Variants in TTBK2 observed in about 807,000 individuals in gnomAD.
TTBK2 encodes tau tubulin kinase 2, also known as tau-tubulin kinase 2.
Under a neutral mutation model 110.8 loss-of-function variants are expected in TTBK2, and 28 were observed. The observed-to-expected ratio is 0.25, with a 90% confidence interval of 0.19 to 0.35. The LOEUF (loss-of-function observed/expected upper bound fraction) is 0.35. Ranked by LOEUF, TTBK2 falls within the 10% of genes least tolerant of loss-of-function variation. TTBK2 has a pLI of 1.00. For synonymous variants in TTBK2, 532 were observed against 527.3 expected (o/e 1.01, Z -0.12); for missense variants, 1,369 against 1,500.3 (o/e 0.91, Z 1.45).
intron 4 of TTBK2, among the ~76,000 whole-genome samples, chr15:42,836,572 T>C (rs1039421880): frequency 1.3e-5 from 2 of 152,262 alleles, no homozygotes; most frequent in Middle Eastern, 3.4e-3. Context: ...GACAAATCCA[T>C]AGGAACTTGC....
rs182095715 is a variant in TTBK2 at position 42,786,760 on chromosome 15, C to A, written c.981-3125G>T. 1.9e-3 allele frequency among the ~76,000 whole-genome samples: 290 copies of A among 152,260 alleles called. 3 individuals are homozygous for A. The highest frequency in any genetic ancestry group is 6.8e-3 in the African/African-American group (284 of 41,558). On this transcript the variant is annotated intron_variant, in intron 10 of 14. Coordinates refer to ENST00000267890, the MANE Select transcript of TTBK2 (RefSeq NM_173500.4). ...TATAGGACTCAGGTTCCTCTCCCAC[C>A]CAGACCCTCCCTCTGCATTTATTCT...
chr15:42,798,841 G>A (rs1333128734), intron 9 of TTBK2, among the ~76,000 whole-genome samples: 2 of 152,120 alleles, frequency 1.3e-5, no homozygotes, highest in African/African-American at 2.4e-5. Flanking sequence ...GTTAAGTGAA[G>A]GGGAAGTTGT....
chr15:42,802,780 C>T (rs1164530525), intron 9 of TTBK2, among the ~76,000 whole-genome samples: 1 of 152,080 alleles, frequency 6.6e-6, no homozygotes, highest in East Asian at 1.9e-4. Flanking sequence ...AAGTATTGAT[C>T]CTGGGTGTGT....
At chr15:42,766,851 T>A (rs1453181258) in intron 13 of TTBK2, among the ~76,000 whole-genome samples, 2 of 152,096 alleles carry the variant, frequency 1.3e-5, no homozygotes, top group Non-Finnish European at 2.9e-5. Flanking sequence ...CACCACATCA[T>A]ACTTATTCCA....
At chr15:42,793,238 G>A (rs1033645501) in intron 10 of TTBK2, among the ~76,000 whole-genome samples, 1 of 152,228 alleles carries the variant, frequency 6.6e-6, no homozygotes, top group African/African-American at 2.4e-5. Flanking sequence ...AGGAATAGGC[G>A]TTTTTTAAAA....
intron 2 of TTBK2, 57 bp downstream of exon 2, chr15:42,878,492 T>TAA: frequency 6.5e-7 from 1 of 1,541,596 alleles, no homozygotes; most frequent in Non-Finnish European, 8.8e-7. Flanking sequence ...CCGATATGTA[T>TAA]ACACACACAC....
intron 1 of TTBK2, among the ~76,000 whole-genome samples, chr15:42,911,126 A>G (rs1227732907): frequency 6.6e-6 from 1 of 152,180 alleles, no homozygotes; most frequent in East Asian, 1.9e-4. Context: ...AAAAAATTGA[A>G]CGGGGAGGTT....
chr15:42,767,114 T>G (rs1353516179), intron 13 of TTBK2, among the ~76,000 whole-genome samples: 1 of 152,186 alleles, frequency 6.6e-6, no homozygotes, highest in Non-Finnish European at 1.5e-5. Context: ...TGACACAATC[T>G]CTGGGACACA....
chr15:42,816,085 A>AATATAAATATAT (rs1555427671), intron 7 of TTBK2, among the ~76,000 whole-genome samples: 2 of 67,470 alleles, frequency 3.0e-5, no homozygotes, highest in African/African-American at 1.5e-4. Context: ...TAAATAAATA[A>AATATAAATATAT]ATATATATAT....
At position 42,743,657 on chromosome 15, in the gene TTBK2, G is replaced by A. The variant is rs1270723198; in HGVS notation, c.*2138C>T. 6.6e-6 allele frequency: 1 copy of A among 152,180 alleles called. No homozygotes were observed. The highest frequency in any genetic ancestry group is 2.4e-5 in the African/African-American group (1 of 41,440). The allele number at this position is 152,180 out of a possible 1,614,324, so 9.4% of individuals were successfully genotyped here. ...TTTATCCACTCTAACTATAAGGAGAGAACTATGTGATTAACATGACAAATC... is the reference window on the plus strand; with the variant it reads ...TTTATCCACTCTAACTATAAGGAGAAAACTATGTGATTAACATGACAAATC... On this transcript the variant is annotated 3_prime_UTR_variant, in exon 15 of 15. Coordinates refer to ENST00000267890, the MANE Select transcript of TTBK2 (RefSeq NM_173500.4).
intron 1 of TTBK2, among the ~76,000 whole-genome samples, chr15:42,887,916 T>A (rs1398092357): frequency 1.4e-5 from 2 of 140,332 alleles, no homozygotes; most frequent in African/African-American, 6.0e-5. Flanking sequence ...TCGGCATAAT[T>A]CTCATGAAAA....
At chr15:42,895,158 A>G (rs961507929) in intron 1 of TTBK2, among the ~76,000 whole-genome samples, 1 of 152,218 alleles carries the variant, frequency 6.6e-6, no homozygotes, top group Non-Finnish European at 1.5e-5. Context: ...TTTCATATAA[A>G]TAAGCTGACT....
chr15:42,762,107 G>C (rs889107759), intron 13 of TTBK2, among the ~76,000 whole-genome samples: 23 of 152,170 alleles, frequency 1.5e-4, no homozygotes, highest in African/African-American at 5.3e-4. Flanking sequence ...GGCCTCCCCA[G>C]CCATGTGGAA....
chr15:42,852,515 A>C (rs1481400089), intron 3 of TTBK2, among the ~76,000 whole-genome samples: 1 of 152,202 alleles, frequency 6.6e-6, no homozygotes, highest in Non-Finnish European at 1.5e-5. Context: ...CTTGAGTTAT[A>C]TGTGATTCCA....
rs544778041 is a variant in TTBK2, at chr15:42,752,921, C to A, written c.2325G>T (p.Gly775=). ...AAAGGATGCTTTTCTCTTCAGTTTC[C>A]CCAGGGAGATTTTCAAATTCTCTCA... ...LVVREFENLP[G]ETEEKSILLE... Residue 775 remains glycine (G), a synonymous_variant, in exon 14 of 15, where the codon GGG becomes GGT. Coordinates refer to ENST00000267890, the MANE Select transcript of TTBK2 (RefSeq NM_173500.4). 3 of 1,614,004 alleles carry A rather than the reference C, an allele frequency of 1.9e-6. No individual in the cohort carries two copies. In the African/African-American group the frequency reaches 4.0e-5, roughly 22 times the overall value.
intron 9 of TTBK2, among the ~76,000 whole-genome samples, chr15:42,795,448 G>A (rs1595918155): frequency 6.6e-6 from 1 of 151,880 alleles, no homozygotes; most frequent in Non-Finnish European, 1.5e-5. Context: ...CTCATAAAAG[G>A]CCTCTATTGT....
chr15:42,813,559 T>C (rs1235310891), intron 7 of TTBK2, among the ~76,000 whole-genome samples: 1 of 151,012 alleles, frequency 6.6e-6, no homozygotes. Context: ...AAAGGACAAA[T>C]TAAGGCCGAG....
At position 42,753,206 on chromosome 15, in the gene TTBK2, A is replaced by G; in HGVS notation, c.2040T>C (p.Thr680=). 6.2e-7 allele frequency: 1 copy of G among 1,612,744 alleles called. No individual in the cohort carries two copies. The highest frequency in any genetic ancestry group is 1.3e-5 in the African/African-American group (1 of 74,946). Residue 680 remains threonine (T), a synonymous_variant, in exon 14 of 15, where the codon ACT becomes ACC. Transcript: ENST00000267890. ...GCTGACCACAGTGAAAGCTTCCTGA[A>G]GTTGACTGTGTAGATGCCACAGAAG... ...PRPSVASTQS[T]SGSFHCGQQP... is the part of the protein sequence containing the mutation.
chr15:42,888,832 T>C (rs963325945), intron 1 of TTBK2, among the ~76,000 whole-genome samples: 1 of 152,204 alleles, frequency 6.6e-6, no homozygotes, highest in Admixed American at 6.5e-5. Flanking sequence ...GCAACACTTA[T>C]GCTGATAAGG....
Sources: gnomAD v4.1 joint callset for allele counts (sites outside exome capture counted in the v4.1 genomes callset) on GRCh38, gnomAD v4.1.1 for gene constraint, MANE v1.5 for transcripts, NCBI Gene and HGNC (gene_info 2026-07-23, HGNC 2026-07-21) for gene names.